OXR1: variants seen among roughly 807,000 people sequenced by gnomAD.
OXR1 encodes oxidation resistance protein 1.
Under a neutral mutation model 104.6 loss-of-function variants are expected in OXR1, and 41 were observed. The observed-to-expected ratio is 0.39, with a 90% CI of 0.31 to 0.51. The LOEUF (loss-of-function observed/expected upper bound fraction) is 0.51, where lower values mean the gene tolerates loss of function less well. OXR1 is among the 20% of genes least tolerant of loss of function. The pLI is 0.77. For missense variants in OXR1, 955 were observed against 1,031.9 expected (o/e 0.93, Z 1.02); for synonymous variants, 348 against 348.4 (o/e 1.00, Z 0.01).
chr8:106,636,788 CAG>C (rs1823178134), intron 3 of OXR1, among the ~76,000 whole-genome samples: 2 of 152,180 alleles, frequency 1.3e-5, no homozygotes, highest in Admixed American at 6.5e-5. Context: ...AACTGTGAAG[CAG>C]AGTCACTGAC....
At chr8:106,317,889 A>C (rs1253816470) in intron 1 of OXR1, among the ~76,000 whole-genome samples, 1 of 152,176 alleles carries the variant, frequency 6.6e-6, no homozygotes, top group Non-Finnish European at 1.5e-5. Context: ...AGCCACAATA[A>C]TGTGCATTAA....
chr8:106,563,276 T>A (rs1224847361), intron 3 of OXR1, among the ~76,000 whole-genome samples: 1 of 137,526 alleles, frequency 7.3e-6, no homozygotes, highest in Non-Finnish European at 1.5e-5. Flanking sequence ...TGGAGGAAGA[T>A]TTACCAAGCA....
At chr8:106,398,596 G>C (rs949379397) in intron 2 of OXR1, among the ~76,000 whole-genome samples, 1 of 152,150 alleles carries the variant, frequency 6.6e-6, no homozygotes, top group Non-Finnish European at 1.5e-5. Context: ...TGTGTGTAAG[G>C]TTCAAGCACA....
chr8:106,748,554 C>CTTTTTT (rs71307088), intron 16 of OXR1, among the ~76,000 whole-genome samples: 2 of 48,922 alleles, frequency 4.1e-5, no homozygotes, highest in Non-Finnish European at 6.7e-5. Context: ...AGTACCAACT[C>CTTTTTT]TTTTTTTTTT....
intron 2 of OXR1, among the ~76,000 whole-genome samples, chr8:106,404,194 G>A (rs2130484436): frequency 6.6e-6 from 1 of 152,242 alleles, no homozygotes; most frequent in Middle Eastern, 3.4e-3. Flanking sequence ...GAGTAAGGAA[G>A]CCACTTCTGC....
chr8:106,545,608 C>A (rs1417054869), intron 3 of OXR1, among the ~76,000 whole-genome samples: 1 of 152,158 alleles, frequency 6.6e-6, no homozygotes, highest in Non-Finnish European at 1.5e-5. Context: ...ATGAAATCTT[C>A]TTTAAAGTAT....
intron 2 of OXR1, among the ~76,000 whole-genome samples, chr8:106,380,224 T>C (rs985877256): frequency 6.6e-6 from 1 of 151,972 alleles, no homozygotes; most frequent in African/African-American, 2.4e-5. Context: ...TCATACATTA[T>C]ATAGTCTTCT....
intron 2 of OXR1, among the ~76,000 whole-genome samples, chr8:106,399,274 T>C (rs949769070): frequency 9.8e-5 from 15 of 152,296 alleles, no homozygotes; most frequent in African/African-American, 2.9e-4. Flanking sequence ...ACTTGGGAAA[T>C]ATAAAATACT....
intron 1 of OXR1, among the ~76,000 whole-genome samples, chr8:106,303,248 C>CTTTTTT (rs1164596413): frequency 7.5e-4 from 69 of 92,328 alleles, no homozygotes; most frequent in East Asian, 1.6e-3. Flanking sequence ...TTTTTTCTTT[C>CTTTTTT]TTTTTTTTTT....
At chr8:106,576,319 G>T (rs1338184503) in intron 3 of OXR1, among the ~76,000 whole-genome samples, 1 of 151,530 alleles carries the variant, frequency 6.6e-6, no homozygotes, top group African/African-American at 2.4e-5. Flanking sequence ...AAATGTATAT[G>T]ATGTATTACC....
At chr8:106,554,014 TTC>T (rs1226944771) in intron 3 of OXR1, among the ~76,000 whole-genome samples, 1 of 152,222 alleles carries the variant, frequency 6.6e-6, no homozygotes, top group East Asian at 1.9e-4. Flanking sequence ...GGAATTTTTT[TTC>T]TCTTTTTCAT....
intron 1 of OXR1, among the ~76,000 whole-genome samples, chr8:106,285,996 G>A (rs1306743522): frequency 3.0e-5 from 4 of 132,022 alleles, no homozygotes; most frequent in Non-Finnish European, 6.6e-5. Flanking sequence ...TGTGGTAGAT[G>A]TGGGGCTAAT....
At chr8:106,745,373 G>C (rs1454988648) in intron 15 of OXR1, among the ~76,000 whole-genome samples, 1 of 152,074 alleles carries the variant, frequency 6.6e-6, no homozygotes, top group Non-Finnish European at 1.5e-5. Context: ...GCAAAGAAAA[G>C]GCCTTGGCCC....
At position 106,610,501 on chromosome 8, in the gene OXR1, C is replaced by T. The variant is rs570650183; in HGVS notation, c.221-68709C>T. Among the ~76,000 whole-genome samples, 9 of 152,270 alleles carry T rather than the reference C, an allele frequency of 5.9e-5. No homozygotes were observed. The Middle Eastern group carries it at 0.01, about 173-fold the overall frequency. On this transcript the variant is annotated intron_variant, in intron 3 of 16. Transcript: ENST00000517566. ...AATACAATTACAATGCATGTGAAGA[C>T]ACTGGTTCTTGCTTATTTTTCTAAC...
chr8:106,566,826 G>C (rs535758944), intron 3 of OXR1, among the ~76,000 whole-genome samples: 1 of 151,672 alleles, frequency 6.6e-6, no homozygotes, highest in African/African-American at 2.4e-5. Flanking sequence ...TGCAGGGCTT[G>C]AAACTGGAAA....
chr8:106,606,915 A>G (rs1820445205), intron 3 of OXR1, among the ~76,000 whole-genome samples: 1 of 152,208 alleles, frequency 6.6e-6, no homozygotes, highest in African/African-American at 2.4e-5. Flanking sequence ...AAAGGAAGAA[A>G]GAGCCCTTCT....
chr8:106,315,929 C>T (rs752765462), intron 1 of OXR1, among the ~76,000 whole-genome samples: 1 of 152,052 alleles, frequency 6.6e-6, no homozygotes, highest in Non-Finnish European at 1.5e-5. Flanking sequence ...TTTTAAACTT[C>T]GACATGAACT....
chr8:106,593,938 C>T (rs1021644075), intron 3 of OXR1, among the ~76,000 whole-genome samples: 5 of 152,196 alleles, frequency 3.3e-5, no homozygotes, highest in Admixed American at 3.3e-4. Context: ...CACCATATCT[C>T]AATTGCTTGA....
rs947410847 is a variant in OXR1, at chr8:106,359,541, A to G, written c.-73A>G. 1.8e-6 allele frequency: 2 copies of G among 1,137,276 alleles called. No individual in the cohort carries two copies. Among genetic ancestry groups the G allele is most frequent in the African/African-American group, 3.1e-5 (2 of 64,916 alleles). 70.4% of individuals were successfully genotyped at this position (1,137,276 alleles called of 1,614,324 possible). A position where few individuals can be genotyped will look rare whatever the true frequency, so the allele number is the denominator to read the frequency against. ...TTCCAGAAGCAAAGCTAAAATTTTT[A>G]GCGGTGTTGTCGACTTGACCTGCTA... On this transcript the variant is annotated 5_prime_UTR_variant, in exon 2 of 17. Coordinates refer to ENST00000517566, the MANE Select transcript of OXR1 (RefSeq NM_001198533.2).
Sources: gnomAD v4.1 joint callset for allele counts (sites outside exome capture counted in the v4.1 genomes callset) on GRCh38, gnomAD v4.1.1 for gene constraint, MANE v1.5 for transcripts, NCBI Gene and HGNC (gene_info 2026-07-23, HGNC 2026-07-21) for gene names.